Variants in KCP observed in about 807,000 individuals in gnomAD.
KCP encodes the protein kielin cysteine rich BMP regulator.
Under a neutral mutation model 212.7 loss-of-function variants are expected in KCP, and 194 were observed. The ratio of observed to expected loss-of-function variants is 0.91; its 90% CI spans 0.81 to 1.03. The LOEUF (loss-of-function observed/expected upper bound fraction) is 1.03. KCP is among the 50% of genes least tolerant of loss of function. The probability of loss-of-function intolerance (pLI) is 0.00; values close to 1 mark genes in which losing one functional copy is unlikely to be tolerated. For missense variants in KCP, 2,080 were observed against 2,162.5 expected, an observed-to-expected ratio of 0.96 and a Z score of 0.76; for synonymous variants, 833 against 865.3, an observed-to-expected ratio of 0.96 and a Z score of 0.65.
At chr7:128,904,259 A>G in intron 5 of KCP, 121 bp from the exon 6 acceptor site, 2 of 1,544,326 alleles carry the variant, frequency 1.3e-6, no homozygotes, top group Non-Finnish European at 1.8e-6. Flanking sequence ...ATGGCGGGGC[A>G]GGGCAGGACA....
rs1794268140 is a variant in KCP, at chr7:128,892,974, G to T, written c.1315C>A (p.Pro439Thr). ...EEFAEGVQWEPDGRPCTACVC... is the reference protein window; with the variant it reads ...EEFAEGVQWETDGRPCTACVC... ...CAGGCGGTGCAGGGCCGACCATCAG[G>T]CTCCCACTGGACTCCCTCAGCAAAC... is the stretch of plus-strand genomic sequence containing the variant. Residue 439 changes from proline (P) to threonine (T), a missense_variant, in exon 14 of 40, where the codon CCT becomes ACT. Transcript: ENST00000610776. The T allele has an allele frequency of 8.6e-7, 1 of 1,164,938 alleles. No individual in the cohort carries two copies. The highest frequency in any genetic ancestry group is 1.3e-6 in the Non-Finnish European group (1 of 793,868). The allele number at this position is 1,164,938 out of a possible 1,614,324, so 72.2% of individuals were successfully genotyped here.
rs1388214096 is a variant in KCP at position 128,879,854 on chromosome 7, C to T, written c.3933-25G>A. On this transcript the variant is annotated intron_variant, in intron 35 of 39. Coordinates refer to ENST00000610776, the MANE Select transcript of KCP (RefSeq NM_001366122.1). ...ACTGTGGGCAGGAAAGTCCCAGGTG[C>T]CAATGGTCAGCAGGGCTGGGTGTAG... 3 of 1,550,920 alleles carry T rather than the reference C, an allele frequency of 1.9e-6. No individual in the cohort carries two copies. In the African/African-American group the frequency reaches 4.1e-5, roughly 21 times the overall value.
chr7:128,908,364 T>A, intron 2 of KCP, 62 bp downstream of exon 2: 5 of 1,481,368 alleles, frequency 3.4e-6, no homozygotes, highest in Non-Finnish European at 4.5e-6. Flanking sequence ...TAACTCCTTC[T>A]CTCCCTCCCA....
chr7:128,907,198 C>T, intron 3 of KCP, 21 bp from the exon 4 acceptor site: 1 of 1,548,234 alleles, frequency 6.5e-7, no homozygotes, highest in South Asian at 1.2e-5. Context: ...AGCAGTGTCA[C>T]TCAAGCACCC....
intron 5 of KCP, among the ~76,000 whole-genome samples, 193 bp downstream of exon 5, chr7:128,906,086 T>C (rs945909416): frequency 6.6e-6 from 1 of 152,196 alleles, no homozygotes; most frequent in Non-Finnish European, 1.5e-5. Flanking sequence ...TGTTTCCCTA[T>C]GGTCTCTGGC....
At position 128,908,677 on chromosome 7, in the gene KCP, C is replaced by T. The variant is rs1204585086; in HGVS notation, c.77-109G>A. Reference sequence around the variant, plus strand: ...AGGGGAAGGGGGTCATCCTGTGCACCCTGCCCTCTCCAATTGCCCACCCAC... The same window carrying T: ...AGGGGAAGGGGGTCATCCTGTGCACTCTGCCCTCTCCAATTGCCCACCCAC... On this transcript the variant is annotated intron_variant, in intron 1 of 39. Coordinates refer to ENST00000610776, the MANE Select transcript of KCP (RefSeq NM_001366122.1). 4 of 1,206,678 alleles carry T rather than the reference C, an allele frequency of 3.3e-6. No individual in the cohort carries two copies. The South Asian group carries it at 4.8e-5, about 14-fold the overall frequency. The allele number at this position is 1,206,678 out of a possible 1,614,324, so 74.7% of individuals were successfully genotyped here.
At chr7:128,882,361 C>T (rs1793383540) in intron 29 of KCP, among the ~76,000 whole-genome samples, 2 of 152,156 alleles carry the variant, frequency 1.3e-5, no homozygotes, top group South Asian at 2.1e-4. Context: ...GCTACAACTG[C>T]GCAGGGAAGC....
At chr7:128,880,265 C>T (rs899439702) in intron 34 of KCP, 121 bp downstream of exon 34, 1 of 1,336,700 alleles carries the variant, frequency 7.5e-7, no homozygotes, top group Non-Finnish European at 1.0e-6. Context: ...ACAGCACTGT[C>T]CCCAGCTCCC....
chr7:128,878,579 A>G lies in KCP; in HGVS notation c.4290T>C (p.Ala1430=). Residue 1430 remains alanine, a synonymous_variant, in exon 38 of 40, where the codon GCT becomes GCC. Coordinates refer to ENST00000610776, the MANE Select transcript of KCP (RefSeq NM_001366122.1). ...GPEGLLLPSE[A]AFGNSWQVSE... ...TCACCTGCCAGCTATTCCCAAACGCAGCCTCCGAGGGCAGGAGCAGCCCCT... is the reference window on the plus strand; with the variant it reads ...TCACCTGCCAGCTATTCCCAAACGCGGCCTCCGAGGGCAGGAGCAGCCCCT... The G allele has an allele frequency of 6.4e-7, 1 of 1,551,290 alleles. No homozygotes were observed. Among genetic ancestry groups the G allele is most frequent in the Non-Finnish European group, 8.7e-7 (1 of 1,146,886 alleles).
At chr7:128,901,922 T>C (rs1794871282) in intron 8 of KCP, among the ~76,000 whole-genome samples, 1 of 152,182 alleles carries the variant, frequency 6.6e-6, no homozygotes, top group Admixed American at 6.5e-5. Flanking sequence ...GTTCCCCTCT[T>C]TTTCCCTGCT....
chr7:128,907,165 T>C lies in KCP; in HGVS notation c.422A>G (p.Asn141Ser), dbSNP rs915460143. 1 of 1,551,288 alleles carries C rather than the reference T, an allele frequency of 6.4e-7. No individual in the cohort carries two copies. The highest frequency in any genetic ancestry group is 1.4e-5 in the African/African-American group (1 of 73,034). The change falls in exon 4 of 40, where the codon AAT becomes AGT. Residue 141 changes from asparagine (N) to serine (S), a missense_variant. Asn to Ser is a conservative substitution (Grantham distance 46). Coordinates refer to ENST00000610776, the MANE Select transcript of KCP (RefSeq NM_001366122.1). Reference sequence around the variant, plus strand: ...CTCCCCGTTGCCGTAGGTCTGGCCATTTTGGCTGCAGCCTAAGGAGACAGC... The same window carrying C: ...CTCCCCGTTGCCGTAGGTCTGGCCACTTTGGCTGCAGCCTAAGGAGACAGC... ...HLPHCRGCSQ[N>S]GQTYGNGETF...
Position 128,908,439 on chromosome 7 carries a change from T to A in KCP, c.206A>T (p.Glu69Val). The A allele has an allele frequency of 6.4e-7, 1 of 1,551,498 alleles. No homozygotes were observed. Among genetic ancestry groups the A allele is most frequent in the Non-Finnish European group, 8.7e-7 (1 of 1,146,906 alleles). The change falls in exon 2 of 40, where the codon GAG (glutamate) becomes GTG (valine). Residue 69 changes from glutamate (E) to valine (V), a missense_variant. Coordinates refer to ENST00000610776, the MANE Select transcript of KCP (RefSeq NM_001366122.1). ...WLGRLEAAVM[E>V]LREQNKDLQT... ...TCTCCATGGTACCTGTTCTCTGAGCTCCATCACTGCAGCCTCCAGTCGCCC... is the reference window on the plus strand; with the variant it reads ...TCTCCATGGTACCTGTTCTCTGAGCACCATCACTGCAGCCTCCAGTCGCCC...
In KCP at chr7:128,891,091, G is replaced by GGGCGGCTGC. The variant is rs963993139; in HGVS notation, c.1973-4_1977dup (p.Ala659_Pro660insAlaAlaAla). 2 of 1,443,678 alleles carry GGGCGGCTGC rather than the reference G, an allele frequency of 1.4e-6. No homozygotes were observed. The highest frequency in any genetic ancestry group is 1.5e-5 in the African/African-American group (1 of 67,562). The allele number at this position is 1,443,678 out of a possible 1,614,324, so 89.4% of individuals were successfully genotyped here. On this transcript the variant is annotated inframe_insertion, in exon 20 of 40. Coordinates refer to ENST00000610776, the MANE Select transcript of KCP (RefSeq NM_001366122.1). ...GGCCGTGGGCAGCCGGCGGGGGCTGGGGCGGCTGCGGCGAGACAGCGCATC... is the reference window on the plus strand; with the variant it reads ...GGCCGTGGGCAGCCGGCGGGGGCTGGGGCGGCTGCGGCGGCTGCGGCGAGACAGCGCATC...
intron 28 of KCP, among the ~76,000 whole-genome samples, chr7:128,884,364 C>T (rs1402785306): frequency 6.6e-6 from 1 of 152,216 alleles, no homozygotes; most frequent in Non-Finnish European, 1.5e-5. Context: ...CTCATGTGAC[C>T]TTTGATCCTC....
intron 1 of KCP, among the ~76,000 whole-genome samples, chr7:128,909,567 C>T (rs1019460755): frequency 6.6e-6 from 1 of 152,094 alleles, no homozygotes; most frequent in African/African-American, 2.4e-5. Flanking sequence ...TATTTTGTTG[C>T]CTGAGTTGTC....
chr7:128,883,066 A>G (rs1200016369), intron 29 of KCP, among the ~76,000 whole-genome samples: 1 of 152,166 alleles, frequency 6.6e-6, no homozygotes, highest in Non-Finnish European at 1.5e-5. Context: ...CTCCGTCTCA[A>G]AAAAACCAAA....
chr7:128,896,889 CAAAAAAAAAAAA>C (rs35522047), intron 8 of KCP, among the ~76,000 whole-genome samples: 1 of 58,084 alleles, frequency 1.7e-5, no homozygotes. Flanking sequence ...GACTCCATCT[CAAAAAAAAAAAA>C]AAAAAAAAAA....
intron 22 of KCP, among the ~76,000 whole-genome samples, chr7:128,887,993 A>AC (rs145705079): frequency 0.048 from 6,883 of 143,748 alleles, 231 homozygotes; most frequent in Non-Finnish European, 0.063. Flanking sequence ...ACACACAGAG[A>AC]CCCCCCCACA....
Position 128,894,302 on chromosome 7 carries a change from G to A in KCP, c.832-9C>T, listed in dbSNP as rs956548890. ...CACTGGATGTGACCCTCCTGGTGGG[G>A]AGAATGAACAGGGGAAGGGGCCGAC... On this transcript the variant is annotated splice_polypyrimidine_tract_variant and intron_variant, in intron 8 of 39. Coordinates refer to ENST00000610776, the MANE Select transcript of KCP (RefSeq NM_001366122.1). 8 of 1,528,048 alleles carry A rather than the reference G, an allele frequency of 5.2e-6. No homozygotes were observed. In the African/African-American group the frequency reaches 1.1e-4, roughly 21 times the overall value. The allele number at this position is 1,528,048 out of a possible 1,614,324, so 94.7% of individuals were successfully genotyped here.
Sources: allele counts gnomAD v4.1 joint callset (sites outside exome capture counted in the v4.1 genomes callset), GRCh38; gene constraint gnomAD v4.1.1; transcripts MANE v1.5; gene names NCBI Gene and HGNC (gene_info 2026-07-23, HGNC 2026-07-21).